ACVR1C: variants seen among roughly 807,000 people sequenced by gnomAD.
ACVR1C encodes the protein activin receptor type-1C.
A neutral mutation model predicts 57.9 loss-of-function variants in ACVR1C; 23 were observed. The ratio of observed to expected loss-of-function variants is 0.40; its 90% CI spans 0.29 to 0.56. ACVR1C has a LOEUF of 0.56. Ranked by LOEUF, ACVR1C falls within the 20% of genes least tolerant of loss-of-function variation. The pLI is 0.50. For missense variants in ACVR1C, 480 were observed against 607.9 expected (o/e 0.79, Z 2.21); for synonymous variants, 214 against 215.3 (o/e 0.99, Z 0.05).
intron 1 of ACVR1C, among the ~76,000 whole-genome samples, chr2:157,589,564 A>G (rs1331500142): frequency 6.6e-6 from 1 of 152,020 alleles, no homozygotes; most frequent in East Asian, 1.9e-4. Flanking sequence ...TCCCATGCTC[A>G]TAGATTGGAA....
At position 157,628,585 on chromosome 2, in the gene ACVR1C, G is replaced by T; in HGVS notation, c.60C>A (p.Ala20=). 3.1e-6 allele frequency: 5 copies of T among 1,607,386 alleles called. No individual in the cohort carries two copies. The highest frequency in any genetic ancestry group is 4.2e-6 in the Non-Finnish European group (5 of 1,177,572). Residue 20 remains alanine, a synonymous_variant, in exon 1 of 9, where the codon GCC becomes GCA. Coordinates refer to ENST00000243349, the MANE Select transcript of ACVR1C (RefSeq NM_145259.3). ...RQALLLLAAA[A]ELSPGLKCVC... The stretch of plus-strand genomic sequence containing the variant: ...CCAGCACCGTACCTGGCGAGAGCTC[G>T]GCGGCCGCTGCGAGCAGCAGGAGAG...
chr2:157,535,483 G>C (rs537670688), intron 8 of ACVR1C, among the ~76,000 whole-genome samples: 13 of 152,196 alleles, frequency 8.5e-5, no homozygotes, highest in Middle Eastern at 3.4e-3. Flanking sequence ...AGTAAAAAAT[G>C]AGAATGTTTT....
At chr2:157,579,217 A>G (rs1326161285) in intron 2 of ACVR1C, among the ~76,000 whole-genome samples, 1 of 152,068 alleles carries the variant, frequency 6.6e-6, no homozygotes, top group African/African-American at 2.4e-5. Flanking sequence ...GCTTTTGCCC[A>G]ATTTTCTCTC....
chr2:157,548,198 A>C (rs1687816090), intron 4 of ACVR1C, among the ~76,000 whole-genome samples: 2 of 151,140 alleles, frequency 1.3e-5, no homozygotes, highest in Middle Eastern at 3.4e-3. Context: ...AGAGAATAAA[A>C]TACCTAGGAA....
At chr2:157,576,179 T>C (rs886471828) in intron 2 of ACVR1C, among the ~76,000 whole-genome samples, 4 of 150,774 alleles carry the variant, frequency 2.7e-5, no homozygotes, top group Admixed American at 6.6e-5. Flanking sequence ...GCAACCATTA[T>C]TGTGGCTTGA....
rs574655380 is a variant in ACVR1C at position 157,528,472 on chromosome 2, G to A, written c.*5446C>T. On this transcript the variant is annotated 3_prime_UTR_variant, in exon 9 of 9. Coordinates refer to ENST00000243349, the MANE Select transcript of ACVR1C (RefSeq NM_145259.3). ...GATGAAATACAGCTCATATTCTCTC[G>A]AATGTATTCATCTACAACTGAAAGA... 10 of 152,176 alleles carry A rather than the reference G, an allele frequency of 6.6e-5. No individual in the cohort carries two copies. Among genetic ancestry groups the A allele is most frequent in the South Asian group, 2.1e-4 (1 of 4,818 alleles). The allele number at this position is 152,176 out of a possible 1,614,324, so 9.4% of individuals were successfully genotyped here. A position where few individuals can be genotyped will look rare whatever the true frequency, so the allele number is the denominator to read the frequency against.
chr2:157,603,556 T>C (rs1682327373), intron 1 of ACVR1C, among the ~76,000 whole-genome samples: 1 of 152,116 alleles, frequency 6.6e-6, no homozygotes, highest in Non-Finnish European at 1.5e-5. Flanking sequence ...CTGTAGGTGA[T>C]AAATGACCTT....
intron 3 of ACVR1C, among the ~76,000 whole-genome samples, chr2:157,553,467 AT>A (rs1363381278): frequency 6.6e-6 from 1 of 151,934 alleles, no homozygotes; most frequent in Non-Finnish European, 1.5e-5. Flanking sequence ...GTAATTCCAG[AT>A]TTAGGTTTAA....
intron 3 of ACVR1C, among the ~76,000 whole-genome samples, chr2:157,553,817 A>G (rs1288116861): frequency 6.6e-6 from 1 of 152,202 alleles, no homozygotes; most frequent in East Asian, 1.9e-4. Context: ...TCAAGAAATC[A>G]GGGCACAGTG....
intron 6 of ACVR1C, 77 bp from the exon 7 acceptor site, chr2:157,541,291 T>G (rs1687621053): frequency 6.8e-7 from 1 of 1,461,206 alleles, no homozygotes. Context: ...TAAATTAAGA[T>G]AGCTTATGCC....
rs1687883462 is a variant in ACVR1C at position 157,550,256 on chromosome 2, T to C, written c.681A>G (p.Arg227=). 6.2e-7 allele frequency: 1 copy of C among 1,614,126 alleles called. No individual in the cohort carries two copies. The highest frequency in any genetic ancestry group is 1.6e-4 in the Middle Eastern group (1 of 6,062). ...CCTCACGAAACCAAGATCTTTCATC[T>C]CTGGAGGAGAATATTTTCACAGCCA... The part of the protein sequence containing the change: ...EDVAVKIFSS[R]DERSWFREAE... The change falls in exon 4 of 9, where the codon AGA becomes AGG. Residue 227 remains arginine, a synonymous_variant. Coordinates refer to ENST00000243349, the MANE Select transcript of ACVR1C (RefSeq NM_145259.3).
intron 7 of ACVR1C, 30 bp downstream of exon 7, chr2:157,541,060 C>A: frequency 6.2e-7 from 1 of 1,605,248 alleles, no homozygotes; most frequent in South Asian, 1.1e-5. Flanking sequence ...CAAGGAAAGG[C>A]AAACACAAAG....
intron 1 of ACVR1C, among the ~76,000 whole-genome samples, chr2:157,600,256 T>C (rs138294932): frequency 1.3e-5 from 2 of 152,218 alleles, no homozygotes; most frequent in African/African-American, 2.4e-5. Context: ...TCTATTAAAG[T>C]AGAGAAGATA....
chr2:157,615,036 T>C (rs137948576), intron 1 of ACVR1C, among the ~76,000 whole-genome samples: 330 of 152,354 alleles, frequency 2.2e-3, no homozygotes, highest in Non-Finnish European at 3.7e-3. Flanking sequence ...TCTACCATAT[T>C]GTTCATTGTT....
At chr2:157,548,703 T>A (rs1687831078) in intron 4 of ACVR1C, among the ~76,000 whole-genome samples, 1 of 152,100 alleles carries the variant, frequency 6.6e-6, no homozygotes, top group Admixed American at 6.5e-5. Flanking sequence ...TAATAAATGG[T>A]GCTGGGAAAA....
At chr2:157,538,351 C>G (rs993404020) in intron 8 of ACVR1C, among the ~76,000 whole-genome samples, 2 of 152,086 alleles carry the variant, frequency 1.3e-5, no homozygotes, top group South Asian at 2.1e-4. Flanking sequence ...GAAATAAAGT[C>G]TTGTGGAAAG....
intron 1 of ACVR1C, among the ~76,000 whole-genome samples, chr2:157,626,367 C>T (rs1158290106): frequency 6.6e-6 from 1 of 152,226 alleles, no homozygotes; most frequent in Non-Finnish European, 1.5e-5. Flanking sequence ...GCAATGGACA[C>T]CCCTAAGGTG....
In ACVR1C at chr2:157,532,430, T is replaced by C. The variant is rs887030767; in HGVS notation, c.*1488A>G. On this transcript the variant is annotated 3_prime_UTR_variant, in exon 9 of 9. Transcript: ENST00000243349. Reference sequence around the variant, plus strand: ...CATTTACTTCACTCTTCAAAATACATTATATGCTAACATGTACTATCACTT... The same window carrying C: ...CATTTACTTCACTCTTCAAAATACACTATATGCTAACATGTACTATCACTT... 1.3e-5 allele frequency: 2 copies of C among 151,738 alleles called. No individual in the cohort carries two copies. Among genetic ancestry groups the C allele is most frequent in the Non-Finnish European group, 2.9e-5 (2 of 67,900 alleles). 9.4% of individuals were successfully genotyped at this position (151,738 alleles called of 1,614,324 possible). A position where few individuals can be genotyped will look rare whatever the true frequency, so the allele number is the denominator to read the frequency against.
rs374677932 is a variant in ACVR1C, at chr2:157,541,161, G to A, written c.1154C>T (p.Ser385Phe). ...DDTMNVNIFE[S>F]FKRADIYSVG... ...AGAATAGATGTCAGCTCGTTTGAAG[G>A]ACTCAAAGATATTCACATTCATTGT... Residue 385 changes from serine (S) to phenylalanine (F), a missense_variant, in exon 7 of 9, where the codon TCC becomes TTC. Coordinates refer to ENST00000243349, the MANE Select transcript of ACVR1C (RefSeq NM_145259.3). 4.3e-6 allele frequency: 7 copies of A among 1,613,916 alleles called. No individual in the cohort carries two copies. Among genetic ancestry groups the A allele is most frequent in the Non-Finnish European group, 5.9e-6 (7 of 1,179,902 alleles).
Sources: gnomAD v4.1 joint callset for allele counts (sites outside exome capture counted in the v4.1 genomes callset) on GRCh38, gnomAD v4.1.1 for gene constraint, MANE v1.5 for transcripts, NCBI Gene and HGNC (gene_info 2026-07-23, HGNC 2026-07-21) for gene names.